CLVS1: variants seen among roughly 807,000 people sequenced by gnomAD.
The protein encoded by CLVS1 is clavesin 1, also known as clavesin-1.
A neutral mutation model predicts 33.1 loss-of-function variants in CLVS1; 10 were observed. That is an observed-to-expected ratio of 0.30 (90% CI 0.19 to 0.51). The LOEUF is 0.51. Among genes scored for constraint, CLVS1 ranks in the 20% least tolerant of loss-of-function variants. The pLI is 0.97. For missense variants in CLVS1, 343 were observed against 433.4 expected (o/e 0.79, Z 1.85); for synonymous variants, 163 against 166.1 (o/e 0.98, Z 0.14).
intron 2 of CLVS1, among the ~76,000 whole-genome samples, chr8:61,282,919 T>C (rs539183560): frequency 3.9e-5 from 6 of 152,294 alleles, no homozygotes; most frequent in Admixed American, 3.9e-4. Flanking sequence ...CTCCAAACAC[T>C]CCCTGGCTTC....
chr8:61,306,537 A>G (rs183260113), intron 2 of CLVS1, among the ~76,000 whole-genome samples: 29 of 152,190 alleles, frequency 1.9e-4, no homozygotes, highest in African/African-American at 5.1e-4. Context: ...CATTGTCTTT[A>G]CCCATTCATC....
chr8:61,243,276 C>A (rs1156692369), intron 2 of CLVS1, among the ~76,000 whole-genome samples: 2 of 152,072 alleles, frequency 1.3e-5, no homozygotes, highest in Admixed American at 1.3e-4. Flanking sequence ...ACAGTAAGAT[C>A]GTTACTATAG....
intron 2 of CLVS1, among the ~76,000 whole-genome samples, chr8:61,279,378 C>T (rs1809624764): frequency 6.6e-6 from 1 of 152,192 alleles, no homozygotes; most frequent in Admixed American, 6.5e-5. Context: ...ATTTTCTTTC[C>T]TATTCCCAAA....
intron 2 of CLVS1, among the ~76,000 whole-genome samples, chr8:61,235,057 G>A (rs1808527289): frequency 6.6e-6 from 1 of 152,186 alleles, no homozygotes; most frequent in Non-Finnish European, 1.5e-5. Flanking sequence ...GACGAACCTA[G>A]TAGCCACTTA....
the CLVS1 span, among the ~76,000 whole-genome samples, chr8:61,002,854 G>A: frequency 6.6e-6 from 1 of 152,188 alleles, no homozygotes. Context: ...ATGGTGGAGG[G>A]TCTGGTAGAA....
intron 5 of CLVS1, among the ~76,000 whole-genome samples, chr8:61,466,461 C>T (rs947663398): frequency 1.3e-5 from 2 of 151,980 alleles, no homozygotes; most frequent in Non-Finnish European, 2.9e-5. Flanking sequence ...AACCAACAGT[C>T]CTGCTACACA....
chr8:60,984,647 C>G, the CLVS1 span, among the ~76,000 whole-genome samples: 1 of 152,248 alleles, frequency 6.6e-6, no homozygotes, highest in Admixed American at 6.5e-5. Context: ...TAGTTCTATT[C>G]ACACCATTAA....
intron 2 of CLVS1, among the ~76,000 whole-genome samples, chr8:61,334,732 G>A (rs1461799121): frequency 6.6e-6 from 1 of 152,144 alleles, no homozygotes; most frequent in Non-Finnish European, 1.5e-5. Flanking sequence ...GCTGAGCTGG[G>A]TCTTAATGGA....
At position 61,190,943 on chromosome 8, in the gene CLVS1, G is replaced by T. The variant is rs891907525; in HGVS notation, c.-152+59083G>T. On this transcript the variant is annotated intron_variant, in intron 2 of 2. Coordinates refer to the CLVS1 transcript ENST00000522621. ...GATTCACAGCTGAATTCTACCAGAG[G>T]TACAACGAAGAGCTGGTACCATTCC... 4.6e-5 allele frequency among the ~76,000 whole-genome samples: 7 copies of T among 152,116 alleles called. No homozygotes were observed. In the East Asian group the frequency reaches 5.8e-4, roughly 13 times the overall value.
chr8:60,965,201 G>A, the CLVS1 span: 1 of 152,152 alleles, frequency 6.6e-6, no homozygotes, highest in Non-Finnish European at 1.5e-5. Context: ...TATTAGTTTA[G>A]GTTTCCAAAC....
intron 2 of CLVS1, among the ~76,000 whole-genome samples, chr8:61,132,962 G>A (rs1333533863): frequency 6.6e-6 from 1 of 152,188 alleles, no homozygotes. Flanking sequence ...ACAGGGTCTG[G>A]CCTGGAGGCC....
chr8:61,076,915 G>A (rs1009075977), intron 1 of CLVS1, among the ~76,000 whole-genome samples: 4 of 152,098 alleles, frequency 2.6e-5, no homozygotes, highest in Admixed American at 2.6e-4. Flanking sequence ...GCAAGTCCCC[G>A]GCTCAGCCAT....
chr8:61,205,720 C>T (rs915224223), intron 2 of CLVS1, among the ~76,000 whole-genome samples: 5 of 152,194 alleles, frequency 3.3e-5, no homozygotes, highest in African/African-American at 1.2e-4. Context: ...TTTACACTCC[C>T]ACCAGCAATG....
At chr8:61,218,076 A>G (rs1362217651) in intron 2 of CLVS1, among the ~76,000 whole-genome samples, 1 of 151,734 alleles carries the variant, frequency 6.6e-6, no homozygotes, top group African/African-American at 2.4e-5. Flanking sequence ...AACAGCCACT[A>G]TGGAGAACAG....
At chr8:61,188,295 C>A (rs765297282) in intron 2 of CLVS1, among the ~76,000 whole-genome samples, 1 of 152,024 alleles carries the variant, frequency 6.6e-6, no homozygotes, top group Non-Finnish European at 1.5e-5. Flanking sequence ...AGGCATGGGG[C>A]AGAAGCAGAC....
chr8:61,263,436 A>C (rs1393714372), intron 2 of CLVS1, among the ~76,000 whole-genome samples: 2 of 152,218 alleles, frequency 1.3e-5, no homozygotes, highest in African/African-American at 4.8e-5. Context: ...CAAAATAATG[A>C]AGCCCCACTG....
chr8:61,037,608 A>C, the CLVS1 span, among the ~76,000 whole-genome samples: 1 of 152,234 alleles, frequency 6.6e-6, no homozygotes, highest in Non-Finnish European at 1.5e-5. Flanking sequence ...CTACGTAAGC[A>C]CTTAGGATTT....
intron 2 of CLVS1, among the ~76,000 whole-genome samples, chr8:61,276,685 A>G (rs1278716652): frequency 1.3e-5 from 2 of 152,260 alleles, no homozygotes; most frequent in East Asian, 1.9e-4. Context: ...TTAACACAGT[A>G]AGTATTCTAT....
intron 2 of CLVS1, among the ~76,000 whole-genome samples, chr8:61,153,852 A>G (rs553270328): frequency 6.6e-6 from 1 of 152,236 alleles, no homozygotes; most frequent in Non-Finnish European, 1.5e-5. Context: ...GCCACCTGGC[A>G]GGCCTGAAAC....
Sources: allele counts gnomAD v4.1 joint callset (sites outside exome capture counted in the v4.1 genomes callset), GRCh38; gene constraint gnomAD v4.1.1; transcripts MANE v1.5; gene names NCBI Gene and HGNC (gene_info 2026-07-23, HGNC 2026-07-21).